Variants in MKLN1 observed in about 807,000 individuals in gnomAD.
MKLN1 encodes the protein muskelin 1.
Under a neutral mutation model 99.0 loss-of-function variants are expected in MKLN1, and 18 were observed. The ratio of observed to expected loss-of-function variants is 0.18; its 90% CI spans 0.13 to 0.27. The LOEUF is 0.27. Ranked by LOEUF, MKLN1 falls within the 10% of genes least tolerant of loss-of-function variation. The pLI, the probability that MKLN1 is intolerant of heterozygous loss-of-function variation, is 1.00. For missense variants in MKLN1, 621 were observed against 875.9 expected (o/e 0.71, Z 3.67); for synonymous variants, 288 against 293.2 (o/e 0.98, Z 0.18).
intron 12 of MKLN1, 84 bp from the exon 13 acceptor site, chr7:131,463,128 AAAAAG>A: frequency 8.3e-7 from 1 of 1,200,220 alleles, no homozygotes; most frequent in Non-Finnish European, 1.2e-6. Flanking sequence ...TGTTCTTTAA[AAAAAG>A]AAAGAAAAGA....
At chr7:131,424,102 A>G (rs568110619) in intron 8 of MKLN1, among the ~76,000 whole-genome samples, 1 of 152,222 alleles carries the variant, frequency 6.6e-6, no homozygotes, top group Non-Finnish European at 1.5e-5. Context: ...GTCTTCAAAA[A>G]TTGTCATGTT....
chr7:131,210,869 A>T (rs1796895136), intron 3 of MKLN1, among the ~76,000 whole-genome samples: 1 of 149,596 alleles, frequency 6.7e-6, no homozygotes, highest in African/African-American at 2.5e-5. Flanking sequence ...CCTATTATTG[A>T]TAGGTTAGCA....
chr7:131,459,382 G>A (rs1469498861), intron 12 of MKLN1, among the ~76,000 whole-genome samples: 3 of 152,120 alleles, frequency 2.0e-5, no homozygotes, highest in Admixed American at 2.0e-4. Context: ...CTGACTTTGG[G>A]AAAAAGAGGT....
chr7:131,193,147 GTTA>G (rs1773921940), intron 2 of MKLN1, among the ~76,000 whole-genome samples: 1 of 152,112 alleles, frequency 6.6e-6, no homozygotes, highest in South Asian at 2.1e-4. Flanking sequence ...CCAGAAATTG[GTTA>G]ATATTTTCCC....
intron 12 of MKLN1, among the ~76,000 whole-genome samples, chr7:131,461,695 A>G (rs759690752): frequency 4.6e-5 from 7 of 152,268 alleles, no homozygotes; most frequent in Non-Finnish European, 7.4e-5. Flanking sequence ...TTTCACTTCA[A>G]TCTGATATTT....
intron 3 of MKLN1, among the ~76,000 whole-genome samples, chr7:131,291,328 A>C (rs528039375): frequency 6.6e-6 from 1 of 150,886 alleles, no homozygotes; most frequent in Non-Finnish European, 1.5e-5. Flanking sequence ...ATGGGGTTTC[A>C]TCATGTTGGC....
chr7:131,307,335 G>A (rs930191244), intron 3 of MKLN1, among the ~76,000 whole-genome samples: 13 of 152,144 alleles, frequency 8.5e-5, no homozygotes, highest in African/African-American at 2.9e-4. Context: ...GGGAAATGTG[G>A]AATGCGAGCT....
In MKLN1 at chr7:131,495,153, A is replaced by C. The variant is rs541704513; in HGVS notation, c.*7425A>C. The C allele has an allele frequency of 6.6e-6, 1 of 152,346 alleles. No homozygotes were observed. Among genetic ancestry groups the C allele is most frequent in the African/African-American group, 2.4e-5 (1 of 41,586 alleles). 9.4% of individuals were successfully genotyped at this position (152,346 alleles called of 1,614,324 possible). On this transcript the variant is annotated 3_prime_UTR_variant, in exon 18 of 18. Coordinates refer to ENST00000352689, the MANE Select transcript of MKLN1 (RefSeq NM_013255.5). ...AAGATGTTAGAATTTTTTAAAAGTC[A>C]GCTCTTTTATAAATTGGAAGTACTC...
intron 3 of MKLN1, among the ~76,000 whole-genome samples, chr7:131,258,900 T>C (rs1035545668): frequency 6.6e-6 from 1 of 152,176 alleles, no homozygotes; most frequent in African/African-American, 2.4e-5. Context: ...GTGCCTTTGA[T>C]GAAAATAATC....
At chr7:131,279,403 T>C (rs1229267058) in intron 3 of MKLN1, among the ~76,000 whole-genome samples, 2 of 152,208 alleles carry the variant, frequency 1.3e-5, no homozygotes, top group African/African-American at 2.4e-5. Context: ...GAGCTTGGTA[T>C]GATCAGCAAC....
chr7:131,142,132 G>A (rs1795742884), intron 1 of MKLN1, among the ~76,000 whole-genome samples: 1 of 152,040 alleles, frequency 6.6e-6, no homozygotes, highest in East Asian at 1.9e-4. Flanking sequence ...AAAAGGCAGG[G>A]CACGGTGGCT....
chr7:131,230,791 T>C (rs1379089558), intron 3 of MKLN1, among the ~76,000 whole-genome samples: 1 of 152,082 alleles, frequency 6.6e-6, no homozygotes, highest in African/African-American at 2.4e-5. Context: ...CTCCATCTCA[T>C]CTTGCGACTG....
intron 3 of MKLN1, among the ~76,000 whole-genome samples, chr7:131,223,459 T>C (rs1195722312): frequency 6.6e-6 from 1 of 152,140 alleles, no homozygotes; most frequent in Admixed American, 6.5e-5. Flanking sequence ...AGAAGAAAGA[T>C]TTACAGGAAG....
chr7:131,203,567 G>C (rs1796761904), intron 3 of MKLN1, among the ~76,000 whole-genome samples: 1 of 152,160 alleles, frequency 6.6e-6, no homozygotes, highest in African/African-American at 2.4e-5. Context: ...TAATGACTTA[G>C]GAAAGCCAAG....
At chr7:131,313,845 T>C (rs528603998) in intron 3 of MKLN1, among the ~76,000 whole-genome samples, 11 of 152,354 alleles carry the variant, frequency 7.2e-5, no homozygotes, top group Non-Finnish European at 1.2e-4. Flanking sequence ...ATAATTTAAA[T>C]ATGTGAAAAG....
At chr7:131,446,066 A>G (rs1414802032) in intron 12 of MKLN1, among the ~76,000 whole-genome samples, 163 bp downstream of exon 12, 3 of 152,092 alleles carry the variant, frequency 2.0e-5, no homozygotes, top group Non-Finnish European at 2.9e-5. Context: ...ATTCAGTTCT[A>G]TCTATTTTTA....
rs746589350 is a variant in MKLN1, at chr7:131,445,756, T to C, written c.1396-18T>C. 7 of 1,581,672 alleles carry C rather than the reference T, an allele frequency of 4.4e-6. No homozygotes were observed. Among genetic ancestry groups the C allele is most frequent in the East Asian group, 2.2e-5 (1 of 44,610 alleles). ...AGTGATAAGTTACTCCTTTCTTTTT[T>C]TTTTTCTTCTTTTTCAGAAAAATCG... is the stretch of plus-strand genomic sequence containing the variant. On this transcript the variant is annotated intron_variant, in intron 11 of 17. Transcript: ENST00000352689.
chr7:131,115,095 G>T (rs1795254645), intron 1 of MKLN1, among the ~76,000 whole-genome samples: 1 of 152,160 alleles, frequency 6.6e-6, no homozygotes, highest in South Asian at 2.1e-4. Context: ...AGAGGATGCA[G>T]ATAGATGAAG....
chr7:131,161,030 T>TA (rs1180080019), intron 2 of MKLN1, among the ~76,000 whole-genome samples: 5 of 152,262 alleles, frequency 3.3e-5, no homozygotes, highest in South Asian at 4.2e-4. Context: ...GTGTATTTTC[T>TA]ATGCAGAACC....
Sources: allele counts gnomAD v4.1 joint callset (sites outside exome capture counted in the v4.1 genomes callset), GRCh38; gene constraint gnomAD v4.1.1; transcripts MANE v1.5; gene names NCBI Gene and HGNC (gene_info 2026-07-23, HGNC 2026-07-21).